PGBD4: variants seen among roughly 807,000 people sequenced by gnomAD.
PGBD4 encodes the protein piggyBac transposable element-derived protein 4.
PGBD4 carries 1 observed loss-of-function variant against 0.3 expected under a neutral mutation model. The ratio of observed to expected loss-of-function variants is 3.72; its 90% CI spans 1.32 to 17.64. The LOEUF is 17.64. Among genes scored for constraint, PGBD4 ranks in the 30% most tolerant of loss-of-function variants. The pLI, the probability that PGBD4 is intolerant of heterozygous loss-of-function variation, is 0.11. For synonymous variants in PGBD4, 253 were observed against 267.7 expected, an observed-to-expected ratio of 0.95 and a Z score of 0.54; for missense variants, 624 against 719.7, an observed-to-expected ratio of 0.87 and a Z score of 1.52.
At position 34,102,957 on chromosome 15, in the gene PGBD4, G is replaced by A. The variant is rs747482228; in HGVS notation, c.426G>A (p.Ser142=). The A allele has an allele frequency of 2.5e-6, 4 of 1,614,042 alleles. No individual in the cohort carries two copies. Among genetic ancestry groups the A allele is most frequent in the Non-Finnish European group, 3.4e-6 (4 of 1,180,016 alleles). ...ASKPPGPKGF[S]RMDKWKDTDN... ...AGCCACCGGGTCCGAAAGGATTTTC[G>A]CGAATGGATAAATGGAAAGACACTG... is the stretch of plus-strand genomic sequence containing the variant. Residue 142 remains serine, a synonymous_variant, in exon 1 of 1, where the codon TCG becomes TCA. Coordinates refer to ENST00000397766, the MANE Select transcript of PGBD4 (RefSeq NM_152595.5). This position sits in a 1 kb window ranked among gnomAD's most constrained non-coding sequence, Gnocchi z 4.7.
At position 34,103,517 on chromosome 15, in the gene PGBD4, T is replaced by C. The variant is rs1344780980; in HGVS notation, c.986T>C (p.Phe329Ser). The C allele has an allele frequency of 1.2e-6, 2 of 1,614,220 alleles. No individual in the cohort carries two copies. The highest frequency in any genetic ancestry group is 1.7e-5 in the Admixed American group (1 of 60,026). ...CTTCTTGGCCAAGGGTATTGTGTCTTCCTCGATAACTTTAATATATCTCCC... is the reference window on the plus strand; with the variant it reads ...CTTCTTGGCCAAGGGTATTGTGTCTCCCTCGATAACTTTAATATATCTCCC... ...NDLLGQGYCV[F>S]LDNFNISPML... Residue 329 changes from phenylalanine (F) to serine (S), a missense_variant, in exon 1 of 1, where the codon TTC becomes TCC. By Grantham distance (155) the Phe-to-Ser change is radical. Transcript: ENST00000397766. The surrounding 1 kb of genome is among the most constrained non-coding windows in gnomAD (Gnocchi z 4.6).
Position 34,104,093 on chromosome 15 carries a change from G to C in PGBD4, c.1562G>C (p.Gly521Ala). The C allele has an allele frequency of 6.2e-7, 1 of 1,614,154 alleles. No homozygotes were observed. The highest frequency in any genetic ancestry group is 2.2e-5 in the East Asian group (1 of 44,890). ...GATGTCACACCTCTTCGTCTGTCTG[G>C]AAGACATTTCCCCAAGAGCATACCA... Reference protein sequence around the residue: ...SDDVTPLRLSGRHFPKSIPAT... With the variant: ...SDDVTPLRLSARHFPKSIPAT... Residue 521 changes from glycine to alanine, a missense_variant, in exon 1 of 1, where the codon GGA becomes GCA. Physicochemically the swap from Gly to Ala is moderately conservative, Grantham distance 60. Transcript: ENST00000397766.
Position 34,105,751 on chromosome 15 carries a change from A to C in PGBD4, c.*1462A>C, listed in dbSNP as rs1002392818. 1.2e-5 allele frequency: 2 copies of C among 167,000 alleles called. No homozygotes were observed. Among genetic ancestry groups the C allele is most frequent in the African/African-American group, 4.8e-5 (2 of 41,416 alleles). 10.3% of individuals were successfully genotyped at this position (167,000 alleles called of 1,614,324 possible). ...AGGGAACTGGTAATCTAGGCTCAAGAAGTGTGTGGAGAAGGTTTATTTTCA... is the reference window on the plus strand; with the variant it reads ...AGGGAACTGGTAATCTAGGCTCAAGCAGTGTGTGGAGAAGGTTTATTTTCA... On this transcript the variant is annotated 3_prime_UTR_variant, in exon 1 of 1. Coordinates refer to ENST00000397766, the MANE Select transcript of PGBD4 (RefSeq NM_152595.5).
rs756524368 is a variant in PGBD4 at position 34,107,476 on chromosome 15, CAA to C, written c.*3189_*3190del. 2 of 152,148 alleles carry C rather than the reference CAA, an allele frequency of 1.3e-5. No individual in the cohort carries two copies. The highest frequency in any genetic ancestry group is 4.1e-4 in the South Asian group (2 of 4,830). The allele number at this position is 152,148 out of a possible 1,614,324, so 9.4% of individuals were successfully genotyped here. On this transcript the variant is annotated 3_prime_UTR_variant, in exon 1 of 1. Coordinates refer to ENST00000397766, the MANE Select transcript of PGBD4 (RefSeq NM_152595.5). ...CTAGTAGAAAGTAGAATTGCTAGATCAAAGAGTATGTGCCTTTGTAATTTTGA... is the reference window on the plus strand; with the variant it reads ...CTAGTAGAAAGTAGAATTGCTAGATCAGAGTATGTGCCTTTGTAATTTTGA...
chr15:34,102,553 A>G lies in PGBD4; in HGVS notation c.22A>G (p.Ser8Gly), dbSNP rs768767400. The stretch of plus-strand genomic sequence containing the variant: ...TGAAATGTCAAATCCTAGAAAACGT[A>G]GCATTCCTATGCGTGATAGTAATAC... The part of the protein sequence containing the change: MSNPRKR[S>G]IPMRDSNTGL... Residue 8 changes from serine (S) to glycine (G), a missense_variant, in exon 1 of 1, where the codon AGC becomes GGC. Ser to Gly is a moderately conservative substitution (Grantham distance 56, BLOSUM62 0). Transcript: ENST00000397766. This position sits in a 1 kb window ranked among gnomAD's most constrained non-coding sequence, Gnocchi z 4.7. 1 of 1,546,116 alleles carries G rather than the reference A, an allele frequency of 6.5e-7. No individual in the cohort carries two copies. The highest frequency in any genetic ancestry group is 2.3e-5 in the East Asian group (1 of 42,842).
Position 34,104,097 on chromosome 15 carries a change from A to C in PGBD4, c.1566A>C (p.Arg522Ser), listed in dbSNP as rs766395985. The change falls in exon 1 of 1, where the codon AGA becomes AGC. Residue 522 changes from arginine to serine, a missense_variant. Coordinates refer to ENST00000397766, the MANE Select transcript of PGBD4 (RefSeq NM_152595.5). ...TCACACCTCTTCGTCTGTCTGGAAG[A>C]CATTTCCCCAAGAGCATACCAGCAA... The part of the protein sequence containing the change: ...DDVTPLRLSG[R>S]HFPKSIPATS... 6 of 1,614,212 alleles carry C rather than the reference A, an allele frequency of 3.7e-6. No individual in the cohort carries two copies. Among genetic ancestry groups the C allele is most frequent in the East Asian group, 2.2e-5 (1 of 44,892 alleles).
In PGBD4 at chr15:34,102,382, A is replaced by G; in HGVS notation, c.-150A>G. The G allele has an allele frequency of 1.5e-6, 2 of 1,296,124 alleles. No individual in the cohort carries two copies. Among genetic ancestry groups the G allele is most frequent in the Admixed American group, 3.1e-5 (1 of 32,350 alleles). 80.3% of individuals were successfully genotyped at this position (1,296,124 alleles called of 1,614,324 possible). Reference sequence around the variant, plus strand: ...GGATTACAGTGCCAACCTTACTCCCAAAGTTTGCCACGAAATATCTCGCTT... The same window carrying G: ...GGATTACAGTGCCAACCTTACTCCCGAAGTTTGCCACGAAATATCTCGCTT... On this transcript the variant is annotated 5_prime_UTR_variant, in exon 1 of 1. Transcript: ENST00000397766. The surrounding 1 kb of genome is among the most constrained non-coding windows in gnomAD (Gnocchi z 4.7).
rs1887743882 is a variant in PGBD4 at position 34,105,194 on chromosome 15, T to C, written c.*905T>C. 1 of 167,130 alleles carries C rather than the reference T, an allele frequency of 6.0e-6. No homozygotes were observed. The highest frequency in any genetic ancestry group is 1.5e-5 in the Non-Finnish European group (1 of 68,122). 10.4% of individuals were successfully genotyped at this position (167,130 alleles called of 1,614,324 possible). ...AATTTATCTGATGCTACACTATTCTTCCTGTTGTGATTGTTTTACTGTGAA... is the reference window on the plus strand; with the variant it reads ...AATTTATCTGATGCTACACTATTCTCCCTGTTGTGATTGTTTTACTGTGAA... On this transcript the variant is annotated 3_prime_UTR_variant, in exon 1 of 1. Transcript: ENST00000397766.
rs1671335361 is a variant in PGBD4, at chr15:34,103,073, C to G, written c.542C>G (p.Pro181Arg). The G allele has an allele frequency of 6.2e-7, 1 of 1,613,612 alleles. No homozygotes were observed. Among genetic ancestry groups the G allele is most frequent in the Non-Finnish European group, 8.5e-7 (1 of 1,179,982 alleles). The change falls in exon 1 of 1, where the codon CCT (proline) becomes CGT (arginine). Residue 181 changes from proline (P) to arginine (R), a missense_variant. Transcript: ENST00000397766. The surrounding 1 kb of genome is among the most constrained non-coding windows in gnomAD (Gnocchi z 4.6). Reference protein sequence around the residue: ...PELEMFWSTRPLLDTPYLRQI... With the variant: ...PELEMFWSTRRLLDTPYLRQI... The stretch of plus-strand genomic sequence containing the variant: ...CTGGAGATGTTTTGGTCAACAAGGC[C>G]TCTTTTGGATACACCTTATCTCAGG...
In PGBD4 at chr15:34,102,918, C is replaced by G; in HGVS notation, c.387C>G (p.Ala129=). ...KITRETNAQA[A]LLASKPPGPK... ...CTAGAGAAACAAATGCCCAAGCTGCCTTGTTGGCTTCAAAGCCACCGGGTC... is the reference window on the plus strand; with the variant it reads ...CTAGAGAAACAAATGCCCAAGCTGCGTTGTTGGCTTCAAAGCCACCGGGTC... Residue 129 remains alanine (A), a synonymous_variant, in exon 1 of 1, where the codon GCC becomes GCG. Coordinates refer to ENST00000397766, the MANE Select transcript of PGBD4 (RefSeq NM_152595.5). This position sits in a 1 kb window ranked among gnomAD's most constrained non-coding sequence, Gnocchi z 4.7. 2 of 1,614,086 alleles carry G rather than the reference C, an allele frequency of 1.2e-6. No individual in the cohort carries two copies. The highest frequency in any genetic ancestry group is 1.1e-5 in the South Asian group (1 of 91,062).
Position 34,105,017 on chromosome 15 carries a change from T to C in PGBD4, c.*728T>C, listed in dbSNP as rs939358412. On this transcript the variant is annotated 3_prime_UTR_variant, in exon 1 of 1. Transcript: ENST00000397766. ...TTTGCTTCAGCCTCAAAGAGGGTGT[T>C]TATGTAAAACTAAATGAGTGCAGGC... 4.8e-5 allele frequency: 8 copies of C among 164,978 alleles called. No homozygotes were observed. The highest frequency in any genetic ancestry group is 1.9e-4 in the African/African-American group (8 of 41,450). 10.2% of individuals were successfully genotyped at this position (164,978 alleles called of 1,614,324 possible). A position where few individuals can be genotyped will look rare whatever the true frequency, so the allele number is the denominator to read the frequency against.
rs1055559337 is a variant in PGBD4, at chr15:34,107,300, T to C, written c.*3011T>C. ...CATAAAAAGCTTCATAGTTCCTTTT[T>C]ATGGCTGCAAAATGTTCCAGCTTAT... On this transcript the variant is annotated 3_prime_UTR_variant, in exon 1 of 1. Coordinates refer to ENST00000397766, the MANE Select transcript of PGBD4 (RefSeq NM_152595.5). 1 of 152,156 alleles carries C rather than the reference T, an allele frequency of 6.6e-6. No individual in the cohort carries two copies. The highest frequency in any genetic ancestry group is 1.5e-5 in the Non-Finnish European group (1 of 68,014). The allele number at this position is 152,156 out of a possible 1,614,324, so 9.4% of individuals were successfully genotyped here.
Position 34,102,490 on chromosome 15 carries a change from G to T in PGBD4, c.-42G>T. The T allele has an allele frequency of 6.8e-7, 1 of 1,467,460 alleles. No homozygotes were observed. The allele number at this position is 1,467,460 out of a possible 1,614,324, so 90.9% of individuals were successfully genotyped here. ...TTTATAGCATTCTGTTTTTAGTAGTGGGATTTCCATCTACAAAATATAGTA... is the reference window on the plus strand; with the variant it reads ...TTTATAGCATTCTGTTTTTAGTAGTTGGATTTCCATCTACAAAATATAGTA... On this transcript the variant is annotated 5_prime_UTR_variant, in exon 1 of 1. Coordinates refer to ENST00000397766, the MANE Select transcript of PGBD4 (RefSeq NM_152595.5). The surrounding 1 kb of genome is among the most constrained non-coding windows in gnomAD (Gnocchi z 4.7).
In PGBD4 at chr15:34,103,971, G is replaced by T; in HGVS notation, c.1440G>T (p.Met480Ile). 6.2e-7 allele frequency: 1 copy of T among 1,614,064 alleles called. No homozygotes were observed. Among genetic ancestry groups the T allele is most frequent in the Non-Finnish European group, 8.5e-7 (1 of 1,179,952 alleles). The change falls in exon 1 of 1, where the codon ATG becomes ATT. Residue 480 changes from methionine to isoleucine, a missense_variant. Met to Ile is a conservative substitution (Grantham distance 10, BLOSUM62 1). Transcript: ENST00000397766. The surrounding 1 kb of genome is among the most constrained non-coding windows in gnomAD (Gnocchi z 4.6). ...AGAAGGATAATCCTGAGCACACGAT[G>T]AGCCATATAAACTTCAGACTGGCAT... is the stretch of plus-strand genomic sequence containing the variant. The part of the protein sequence containing the change: ...LFKKDNPEHT[M>I]SHINFRLALI...
Position 34,103,829 on chromosome 15 carries a change from C to T in PGBD4, c.1298C>T (p.Ser433Leu), listed in dbSNP as rs199666899. Residue 433 changes from serine (S) to leucine (L), a missense_variant, in exon 1 of 1, where the codon TCG (serine) becomes TTG (leucine). Ser to Leu is a moderately radical substitution (Grantham distance 145). Coordinates refer to ENST00000397766, the MANE Select transcript of PGBD4 (RefSeq NM_152595.5). The surrounding 1 kb of genome is among the most constrained non-coding windows in gnomAD (Gnocchi z 4.6). ...AACGAGAATATGGGAGCAGTGGACT[C>T]GGCTGATCAAATGCTTACTTCTTAT... ...DYNENMGAVD[S>L]ADQMLTSYPS... 23 of 1,614,084 alleles carry T rather than the reference C, an allele frequency of 1.4e-5. No individual in the cohort carries two copies. The highest frequency in any genetic ancestry group is 6.7e-5 in the East Asian group (3 of 44,890).
chr15:34,102,382 A>C lies in PGBD4; in HGVS notation c.-150A>C, dbSNP rs911137456. On this transcript the variant is annotated 5_prime_UTR_variant, in exon 1 of 1. Coordinates refer to ENST00000397766, the MANE Select transcript of PGBD4 (RefSeq NM_152595.5). This position sits in a 1 kb window ranked among gnomAD's most constrained non-coding sequence, Gnocchi z 4.7. ...GGATTACAGTGCCAACCTTACTCCC[A>C]AAGTTTGCCACGAAATATCTCGCTT... The C allele has an allele frequency of 4.6e-6, 6 of 1,296,124 alleles. No individual in the cohort carries two copies. Among genetic ancestry groups the C allele is most frequent in the African/African-American group, 4.5e-5 (3 of 66,920 alleles). 80.3% of individuals were successfully genotyped at this position (1,296,124 alleles called of 1,614,324 possible).
In PGBD4 at chr15:34,105,419, C is replaced by T. The variant is rs1163897076; in HGVS notation, c.*1130C>T. 2 of 167,046 alleles carry T rather than the reference C, an allele frequency of 1.2e-5. No individual in the cohort carries two copies. The highest frequency in any genetic ancestry group is 2.9e-5 in the Non-Finnish European group (2 of 68,112). The allele number at this position is 167,046 out of a possible 1,614,324, so 10.3% of individuals were successfully genotyped here. Reference sequence around the variant, plus strand: ...CTACAGATTCCTATTGAGAGCAATGCATGTTTTAGCCTTGTGCACTCTTAG... The same window carrying T: ...CTACAGATTCCTATTGAGAGCAATGTATGTTTTAGCCTTGTGCACTCTTAG... On this transcript the variant is annotated 3_prime_UTR_variant, in exon 1 of 1. Transcript: ENST00000397766.
Position 34,103,511 on chromosome 15 carries a change from G to T in PGBD4, c.980G>T (p.Cys327Phe). The T allele has an allele frequency of 6.2e-7, 1 of 1,614,214 alleles. No homozygotes were observed. Among genetic ancestry groups the T allele is most frequent in the Non-Finnish European group, 8.5e-7 (1 of 1,180,034 alleles). Residue 327 changes from cysteine to phenylalanine, a missense_variant, in exon 1 of 1, where the codon TGT (cysteine) becomes TTT (phenylalanine). Coordinates refer to ENST00000397766, the MANE Select transcript of PGBD4 (RefSeq NM_152595.5). The surrounding 1 kb of genome is among the most constrained non-coding windows in gnomAD (Gnocchi z 4.6). ...LVNDLLGQGY[C>F]VFLDNFNISP... ...AATGACCTTCTTGGCCAAGGGTATT[G>T]TGTCTTCCTCGATAACTTTAATATA... is the stretch of plus-strand genomic sequence containing the variant.
In PGBD4 at chr15:34,102,939, G is replaced by A. The variant is rs780676787; in HGVS notation, c.408G>A (p.Pro136=). 3.1e-6 allele frequency: 5 copies of A among 1,613,860 alleles called. No individual in the cohort carries two copies. Among genetic ancestry groups the A allele is most frequent in the Admixed American group, 1.7e-5 (1 of 59,962 alleles). The change falls in exon 1 of 1, where the codon CCG becomes CCA. Residue 136 remains proline, a synonymous_variant. Coordinates refer to ENST00000397766, the MANE Select transcript of PGBD4 (RefSeq NM_152595.5). This position sits in a 1 kb window ranked among gnomAD's most constrained non-coding sequence, Gnocchi z 4.7. ...AQAALLASKP[P]GPKGFSRMDK... is the part of the protein sequence containing the mutation. Reference sequence around the variant, plus strand: ...CTGCCTTGTTGGCTTCAAAGCCACCGGGTCCGAAAGGATTTTCGCGAATGG... The same window carrying A: ...CTGCCTTGTTGGCTTCAAAGCCACCAGGTCCGAAAGGATTTTCGCGAATGG...
Sources: gnomAD v4.1 joint callset for allele counts on GRCh38, gnomAD v4.1.1 for gene constraint, Gnocchi (gnomAD v3.1) non-coding constraint, MANE v1.5 for transcripts, NCBI Gene and HGNC (gene_info 2026-07-23, HGNC 2026-07-21) for gene names.